The following SBF2 variants were observed in gnomAD, a reference collection of about 807,000 sequenced individuals.
SBF2 encodes myotubularin-related protein 13.
SBF2 carries 112 observed loss-of-function variants against 225.2 expected under a neutral mutation model. That is an observed-to-expected ratio of 0.50 (90% CI 0.43 to 0.58). The LOEUF (loss-of-function observed/expected upper bound fraction) is 0.58, where lower values mean the gene tolerates loss of function less well. Among genes scored for constraint, SBF2 ranks in the 20% least tolerant of loss-of-function variants. SBF2 has a pLI of 0.00. For missense variants in SBF2, 1,996 were observed against 2,206.2 expected, an observed-to-expected ratio of 0.90 and a Z score of 1.91; for synonymous variants, 763 against 773.3, an observed-to-expected ratio of 0.99 and a Z score of 0.22.
intron 1 of SBF2, among the ~76,000 whole-genome samples, chr11:10,279,488 T>G (rs1310694396): frequency 1.3e-5 from 2 of 152,134 alleles, no homozygotes; most frequent in Non-Finnish European, 2.9e-5. Context: ...TACCTAAAAT[T>G]TAAAAGCTTA....
chr11:9,966,503 T>C (rs1300932456), intron 14 of SBF2, among the ~76,000 whole-genome samples: 2 of 152,112 alleles, frequency 1.3e-5, no homozygotes, highest in Admixed American at 6.6e-5. Flanking sequence ...CTTCAAAATA[T>C]ATCAAGAAAA....
chr11:10,216,677 C>T (rs1201832940), intron 1 of SBF2, among the ~76,000 whole-genome samples: 1 of 152,108 alleles, frequency 6.6e-6, no homozygotes, highest in South Asian at 2.1e-4. Context: ...CGAGACCAGC[C>T]TGGCCAACAT....
intron 2 of SBF2, among the ~76,000 whole-genome samples, chr11:10,128,247 C>T (rs911460125): frequency 6.6e-6 from 1 of 152,162 alleles, no homozygotes; most frequent in Non-Finnish European, 1.5e-5. Flanking sequence ...ACTACCTTCA[C>T]GAAGTCAGGC....
In SBF2 at chr11:10,235,661, T is replaced by C. The variant is rs1959041811; in HGVS notation, c.56-41674A>G. On this transcript the variant is annotated intron_variant, in intron 1 of 39. Coordinates refer to ENST00000256190, the MANE Select transcript of SBF2 (RefSeq NM_030962.4). ...ATCAACAATCCTTCAAACGTTTCTATAGTTCATATTGTAATTTCTCAATGA... is the reference window on the plus strand; with the variant it reads ...ATCAACAATCCTTCAAACGTTTCTACAGTTCATATTGTAATTTCTCAATGA... Among the ~76,000 whole-genome samples the C allele has an allele frequency of 1.3e-5, 2 of 152,182 alleles. 1 individual carries two copies. The highest frequency in any genetic ancestry group is 4.8e-5 in the African/African-American group (2 of 41,450).
intron 26 of SBF2, among the ~76,000 whole-genome samples, chr11:9,836,520 T>C (rs1855745175): frequency 6.6e-6 from 1 of 152,206 alleles, no homozygotes; most frequent in Non-Finnish European, 1.5e-5. Flanking sequence ...ACTGTAGCTT[T>C]ATAAAAACTC....
intron 19 of SBF2, among the ~76,000 whole-genome samples, chr11:9,855,992 T>A (rs1300568412): frequency 3.9e-5 from 6 of 152,204 alleles, no homozygotes; most frequent in Non-Finnish European, 8.8e-5. Context: ...ACGGATTCCG[T>A]TAGGCCTTGC....
chr11:9,948,056 C>T (rs183938772), intron 16 of SBF2, among the ~76,000 whole-genome samples: 144 of 151,932 alleles, frequency 9.5e-4, no homozygotes, highest in Admixed American at 1.8e-3. Context: ...GACAGATGAA[C>T]GGGTAAACAA....
At chr11:10,287,035 G>A (rs968095706) in intron 1 of SBF2, among the ~76,000 whole-genome samples, 4 of 152,114 alleles carry the variant, frequency 2.6e-5, no homozygotes, top group African/African-American at 9.7e-5. Context: ...TGGATAAATC[G>A]TATCATACTA....
At chr11:9,885,586 C>G (rs1234343228) in intron 17 of SBF2, among the ~76,000 whole-genome samples, 1 of 152,016 alleles carries the variant, frequency 6.6e-6, no homozygotes, top group African/African-American at 2.4e-5. Context: ...GACATTAAAG[C>G]TTGCTAGTTC....
Position 9,832,437 on chromosome 11 carries a change from TAGAGA to T in SBF2, c.3456-22_3456-18del, listed in dbSNP as rs751512324. On this transcript the variant is annotated intron_variant, in intron 26 of 39. Coordinates refer to ENST00000256190, the MANE Select transcript of SBF2 (RefSeq NM_030962.4). The stretch of plus-strand genomic sequence containing the variant: ...CCAGGATAGCTTCAGAGACATAGAA[TAGAGA>T]AGAGAATGATTGGGGGAAGGAACAG... 2.5e-4 allele frequency: 399 copies of T among 1,587,120 alleles called. 7 individuals are homozygous for T. The highest frequency in any genetic ancestry group is 1.4e-3 in the South Asian group (131 of 90,500).
rs118168951 is a variant in SBF2, at chr11:10,257,291, T to A, written c.55+36724A>T. 1.1e-4 allele frequency among the ~76,000 whole-genome samples: 16 copies of A among 152,292 alleles called. No individual in the cohort carries two copies. In the East Asian group the frequency reaches 3.1e-3, roughly 29 times the overall value. On this transcript the variant is annotated intron_variant, in intron 1 of 39. Transcript: ENST00000256190. ...CTTTCCCCACAAAAAAATCTTCCAA[T>A]GTGCTCTAATGCAATGATTCCCAAA... is the stretch of plus-strand genomic sequence containing the variant.
chr11:9,832,525 T>G (rs577752974), intron 26 of SBF2, 105 bp from the exon 27 acceptor site: 148 of 769,770 alleles, frequency 1.9e-4, no homozygotes, highest in Non-Finnish European at 2.9e-4. Context: ...TATAAGAAAT[T>G]GAATACTAAT....
chr11:9,826,165 A>G (rs1251793818), intron 28 of SBF2, among the ~76,000 whole-genome samples: 1 of 152,220 alleles, frequency 6.6e-6, no homozygotes, highest in Admixed American at 6.5e-5. Context: ...GCAACCATCA[A>G]GGCCAGTGTA....
chr11:10,133,659 A>G (rs1016182671), intron 2 of SBF2, among the ~76,000 whole-genome samples: 4 of 150,344 alleles, frequency 2.7e-5, no homozygotes, highest in African/African-American at 7.3e-5. Context: ...AGTGCCGCAC[A>G]CAGCCCCGGT....
In SBF2 at chr11:9,995,048, A is replaced by T. The variant is rs555909261; in HGVS notation, c.976-1050T>A. Among the ~76,000 whole-genome samples, 38 of 151,112 alleles carry T rather than the reference A, an allele frequency of 2.5e-4. No homozygotes were observed. In the East Asian group the frequency reaches 6.0e-3, roughly 24 times the overall value. On this transcript the variant is annotated intron_variant, in intron 9 of 39. Transcript: ENST00000256190. ...ATAACAAGACTCTGTCTCAAAAAAA[A>T]AAAAATAAAAATTACTGAGGAGACA...
At chr11:10,086,183 T>C (rs1029751437) in intron 2 of SBF2, among the ~76,000 whole-genome samples, 3 of 152,058 alleles carry the variant, frequency 2.0e-5, no homozygotes, top group Non-Finnish European at 4.4e-5. Context: ...TTATTGGCAA[T>C]TGAGGTGTTT....
intron 2 of SBF2, among the ~76,000 whole-genome samples, chr11:10,153,260 A>C (rs1591078900): frequency 6.6e-6 from 1 of 152,194 alleles, no homozygotes; most frequent in East Asian, 1.9e-4. Context: ...CTTAAATTTA[A>C]GCAGTAGAGG....
At chr11:10,078,837 G>A (rs1012205706) in intron 2 of SBF2, among the ~76,000 whole-genome samples, 2 of 152,104 alleles carry the variant, frequency 1.3e-5, no homozygotes, top group Non-Finnish European at 2.9e-5. Flanking sequence ...AGCTCTGTGT[G>A]ACCTCTACTA....
chr11:10,276,009 T>C (rs1962932468), intron 1 of SBF2, among the ~76,000 whole-genome samples: 1 of 152,188 alleles, frequency 6.6e-6, no homozygotes, highest in Non-Finnish European at 1.5e-5. Context: ...TTCAAGAAGC[T>C]TGAAAAAAAG....
Sources: gnomAD v4.1 joint callset for allele counts (sites outside exome capture counted in the v4.1 genomes callset) on GRCh38, gnomAD v4.1.1 for gene constraint, MANE v1.5 for transcripts, NCBI Gene and HGNC (gene_info 2026-07-23, HGNC 2026-07-21) for gene names.